The following CCNH variants were observed in gnomAD, a reference collection of about 807,000 sequenced individuals.
CCNH encodes the protein cyclin-H.
In CCNH, 31 loss-of-function variants were observed where a neutral mutation model predicts 41.9. The observed-to-expected ratio is 0.74, with a 90% CI of 0.56 to 1.00. The LOEUF is 1.00. Among genes scored for constraint, CCNH ranks in the 50% least tolerant of loss-of-function variants. The probability of loss-of-function intolerance (pLI) is 0.00; values close to 1 mark genes in which losing one functional copy is unlikely to be tolerated. For missense variants in CCNH, 362 were observed against 388.4 expected (o/e 0.93, Z 0.57); for synonymous variants, 138 against 136.1 (o/e 1.01, Z -0.10).
chr5:87,362,446 T>G, intron 9 of CCNH: 1 of 1,111,760 alleles, frequency 9.0e-7, no homozygotes, highest in Non-Finnish European at 1.3e-6. Context: ...TGTATCTAGA[T>G]TTTAGTATTT....
rs1193125538 is a variant in CCNH at position 87,342,301 on chromosome 5, G to A, written c.*91-23404C>T. ...AGTCTCCTGAGTAGCTGGGACCACC[G>A]GCGCACAACACCATGCTAGGCTGGT... On this transcript the variant is annotated intron_variant and NMD_transcript_variant, in intron 9 of 9. Transcript: ENST00000645953. 7.9e-5 allele frequency among the ~76,000 whole-genome samples: 12 copies of A among 151,698 alleles called. No individual in the cohort carries two copies. In the East Asian group the frequency reaches 2.1e-3, roughly 27 times the overall value.
At chr5:87,395,003 A>G (rs1480553909) in intron 8 of CCNH, 41 bp downstream of exon 8, 1 of 1,612,014 alleles carries the variant, frequency 6.2e-7, no homozygotes. Flanking sequence ...CAGAATGTAT[A>G]ACAAAAATAA....
At chr5:87,335,536 C>G (rs563304190) in intron 9 of CCNH, among the ~76,000 whole-genome samples, 12 of 149,468 alleles carry the variant, frequency 8.0e-5, no homozygotes, top group Non-Finnish European at 1.5e-4. Context: ...AGCGATTCTC[C>G]TGCCTCAGCC....
downstream of CCNH, among the ~76,000 whole-genome samples, chr5:87,317,941 T>G (rs928346185): frequency 2.0e-5 from 3 of 152,130 alleles, no homozygotes; most frequent in Non-Finnish European, 4.4e-5. Flanking sequence ...CAGCCGTTTT[T>G]CTCACACTCT....
At chr5:87,410,279 C>A (rs1158962076) in intron 2 of CCNH, among the ~76,000 whole-genome samples, 1 of 152,050 alleles carries the variant, frequency 6.6e-6, no homozygotes, top group East Asian at 1.9e-4. Context: ...ATTTTTTCTT[C>A]ATTTGATAAG....
At chr5:87,391,667 A>T (rs1450866162), downstream of CCNH, 5 of 232,988 alleles carry the variant, frequency 2.1e-5, no homozygotes, top group Admixed American at 1.7e-4. Flanking sequence ...ACCATTTTAT[A>T]GACTACCAAT....
chr5:87,315,811 ATTTG>A (rs1311547445), downstream of CCNH, among the ~76,000 whole-genome samples: 1 of 152,184 alleles, frequency 6.6e-6, no homozygotes, highest in Non-Finnish European at 1.5e-5. Flanking sequence ...AATTATGGTT[ATTTG>A]TTTTACTTCA....
At position 87,332,614 on chromosome 5, in the gene CCNH, A is replaced by C. The variant is rs936994492; in HGVS notation, c.*91-13717T>G. On this transcript the variant is annotated intron_variant and NMD_transcript_variant, in intron 9 of 9. Coordinates refer to the CCNH transcript ENST00000645953. ...GTTTCTTGTTTGCTTAAAGGAGAAA[A>C]ATTACTTTACCCAGTTGCACCACCA... The C allele has an allele frequency of 3.7e-5, 60 of 1,611,106 alleles. No individual in the cohort carries two copies. Among genetic ancestry groups the C allele is most frequent in the Non-Finnish European group, 5.0e-5 (59 of 1,178,056 alleles).
chr5:87,390,445 C>A (rs1179180169), downstream of CCNH, among the ~76,000 whole-genome samples: 1 of 151,132 alleles, frequency 6.6e-6, no homozygotes, highest in East Asian at 2.0e-4. Context: ...CCGCAGCTTT[C>A]AAAACTAATA....
In CCNH at chr5:87,376,551, A is replaced by G. The variant is rs1165212260; in HGVS notation, n.630T>C. On this transcript the variant is annotated non_coding_transcript_exon_variant, in exon 1 of 1. Transcript: ENST00000607486. The stretch of plus-strand genomic sequence containing the variant: ...AAAAATCATGCCAGAAGAAGAGTAC[A>G]GTGAATTTAAAGAGGTATTAAATTA... 1.9e-6 allele frequency: 3 copies of G among 1,613,718 alleles called. No homozygotes were observed. The highest frequency in any genetic ancestry group is 2.2e-5 in the East Asian group (1 of 44,838).
At chr5:87,360,124 G>GTTTTTTT (rs755443447) in intron 9 of CCNH, among the ~76,000 whole-genome samples, 1 of 132,702 alleles carries the variant, frequency 7.5e-6, no homozygotes, top group Non-Finnish European at 1.6e-5. Flanking sequence ...TCAAAATGCA[G>GTTTTTTT]TTTTTTTTTT....
rs1435317488 is a variant in CCNH at position 87,362,662 on chromosome 5, C to T, written c.*90+30108G>A. On this transcript the variant is annotated intron_variant and NMD_transcript_variant, in intron 9 of 9. Coordinates refer to the CCNH transcript ENST00000645953. ...AAACATTGTTAAGAAAGGTTATCTT[C>T]TGAAAAAGGGTAAGTTCAGACTTTT... The T allele has an allele frequency of 2.5e-6, 4 of 1,605,912 alleles. No homozygotes were observed. In the South Asian group the frequency reaches 4.4e-5, roughly 18 times the overall value.
At chr5:87,348,714 C>T (rs1759041294) in intron 9 of CCNH, among the ~76,000 whole-genome samples, 9 of 151,472 alleles carry the variant, frequency 5.9e-5, no homozygotes, top group East Asian at 5.8e-4. Flanking sequence ...TCAAGTGATC[C>T]TCCTGGATAG....
At chr5:87,407,057 A>C (rs957227060) in intron 4 of CCNH, among the ~76,000 whole-genome samples, 11 of 152,094 alleles carry the variant, frequency 7.2e-5, no homozygotes, top group Non-Finnish European at 1.5e-4. Flanking sequence ...CTGCATTGCT[A>C]GGCTCTGTTC....
chr5:87,387,827 C>G (rs533944328), downstream of CCNH, among the ~76,000 whole-genome samples: 1 of 152,198 alleles, frequency 6.6e-6, no homozygotes, highest in East Asian at 1.9e-4. Flanking sequence ...TGCTAAAAGT[C>G]CATCATGCTT....
intron 9 of CCNH, among the ~76,000 whole-genome samples, chr5:87,347,917 A>C: frequency 6.6e-6 from 1 of 151,962 alleles, no homozygotes; most frequent in Non-Finnish European, 1.5e-5. Flanking sequence ...TACAAGGTTG[A>C]AAAGGAGCTA....
intron 9 of CCNH, among the ~76,000 whole-genome samples, chr5:87,351,416 G>A (rs1268558161): frequency 1.3e-5 from 2 of 151,716 alleles, no homozygotes; most frequent in Admixed American, 6.6e-5. Flanking sequence ...AGTTCAGTGG[G>A]GGGTGAGAAG....
chr5:87,368,493 G>A lies in CCNH; in HGVS notation c.*90+24277C>T, dbSNP rs570746301. On this transcript the variant is annotated intron_variant and NMD_transcript_variant, in intron 9 of 9. Transcript: ENST00000645953. ...AGTGTCTACTTAGTTTGACTAAGTG[G>A]TAGACATTGTACATGAAAAACTATG... Among the ~76,000 whole-genome samples, 42 of 152,222 alleles carry A rather than the reference G, an allele frequency of 2.8e-4. No homozygotes were observed. The East Asian group carries it at 6.8e-3, about 24-fold the overall frequency.
chr5:87,329,581 CA>C (rs1476937479), intron 9 of CCNH, among the ~76,000 whole-genome samples: 1 of 152,016 alleles, frequency 6.6e-6, no homozygotes, highest in African/African-American at 2.4e-5. Flanking sequence ...ATGGTAAGTT[CA>C]AAAGATGAAG....
Sources: allele counts gnomAD v4.1 joint callset (sites outside exome capture counted in the v4.1 genomes callset), GRCh38; gene constraint gnomAD v4.1.1; transcripts MANE v1.5; gene names NCBI Gene and HGNC (gene_info 2026-07-23, HGNC 2026-07-21).